Variants in HERC1 observed in about 807,000 individuals in gnomAD.
The protein encoded by HERC1 is HECT and RLD domain containing E3 ubiquitin protein ligase family member 1.
Under a neutral mutation model 554.3 loss-of-function variants are expected in HERC1, and 160 were observed. The ratio of observed to expected loss-of-function variants is 0.29; its 90% CI spans 0.25 to 0.33. The LOEUF is 0.33. Ranked by LOEUF, HERC1 falls within the 10% of genes least tolerant of loss-of-function variation. The pLI, the probability that HERC1 is intolerant of heterozygous loss-of-function variation, is 1.00. For synonymous variants in HERC1, 2,175 were observed against 2,131.7 expected, an observed-to-expected ratio of 1.02 and a Z score of -0.56; for missense variants, 4,919 against 5,918.5, an observed-to-expected ratio of 0.83 and a Z score of 5.54.
chr15:63,776,037 C>CAAAA (rs34323931), intron 1 of HERC1, among the ~76,000 whole-genome samples: 1 of 131,142 alleles, frequency 7.6e-6, no homozygotes, highest in Non-Finnish European at 1.6e-5. Context: ...GACTCCGTCT[C>CAAAA]AAAAAAAAAA....
chr15:63,753,863 C>T (rs975003334), intron 7 of HERC1, among the ~76,000 whole-genome samples: 1 of 152,080 alleles, frequency 6.6e-6, no homozygotes, highest in Non-Finnish European at 1.5e-5. Flanking sequence ...GATGTAGAGT[C>T]ATGCTTGTTG....
chr15:63,813,313 C>CACGG (rs1169220703), intron 1 of HERC1, among the ~76,000 whole-genome samples: 1 of 11,592 alleles, frequency 8.6e-5, no homozygotes, highest in African/African-American at 2.3e-4. Flanking sequence ...CAGAGATGGA[C>CACGG]ACACACACAC....
At chr15:63,769,591 C>T (rs1022318414) in intron 2 of HERC1, among the ~76,000 whole-genome samples, 5 of 152,104 alleles carry the variant, frequency 3.3e-5, no homozygotes, top group African/African-American at 1.2e-4. Context: ...TGGTGGCTCA[C>T]GCCTGTAATC....
chr15:63,753,896 G>A lies in HERC1; in HGVS notation c.1774+609C>T, dbSNP rs554146012. On this transcript the variant is annotated intron_variant, in intron 7 of 77. Transcript: ENST00000443617. ...TTGATATAAAAAAGATACTCATGCC[G>A]GGCACGGAGGTTCATGCCTGTAATA... Among the ~76,000 whole-genome samples the A allele has an allele frequency of 5.9e-5, 9 of 152,198 alleles. No individual in the cohort carries two copies. In the East Asian group the frequency reaches 9.6e-4, roughly 16 times the overall value.
chr15:63,821,390 TA>T (rs1172965175), intron 1 of HERC1, among the ~76,000 whole-genome samples: 2 of 151,296 alleles, frequency 1.3e-5, no homozygotes, highest in African/African-American at 2.4e-5. Flanking sequence ...CCATCTCTAC[TA>T]AAAACACACA....
chr15:63,732,846 T>A (rs538179010), intron 14 of HERC1, 78 bp downstream of exon 14: 1 of 959,758 alleles, frequency 1.0e-6, no homozygotes, highest in South Asian at 1.4e-5. Flanking sequence ...ATCATAGGTG[T>A]TTAAATGTCA....
At chr15:63,665,746 GTCACTTT>G (rs2152947559) in intron 42 of HERC1, among the ~76,000 whole-genome samples, 166 bp downstream of exon 42, 1 of 152,196 alleles carries the variant, frequency 6.6e-6, no homozygotes, top group Admixed American at 6.5e-5. Context: ...AACTTGTCAT[GTCACTTT>G]TACCCTTCAC....
intron 51 of HERC1, among the ~76,000 whole-genome samples, chr15:63,653,338 G>A (rs781748576): frequency 3.0e-4 from 46 of 152,112 alleles, no homozygotes; most frequent in Non-Finnish European, 5.4e-4. Context: ...AGCTATGCGG[G>A]AGGCTGAGGC....
At position 63,634,742 on chromosome 15, in the gene HERC1, C is replaced by G. The variant is rs1225341672; in HGVS notation, c.12561G>C (p.Gln4187His). ...TTGATTTATTCCATGCCTGTCCAAT[C>G]TGATATCCCTCCAGTGCAGTCACTC... is the stretch of plus-strand genomic sequence containing the variant. ...PERVTALEGY[Q>H]IGQVACGLNH... The change falls in exon 66 of 78, where the codon CAG (glutamine) becomes CAC (histidine). Residue 4187 changes from glutamine (Q) to histidine (H), a missense_variant. Physicochemically the swap from Gln to His is conservative, Grantham distance 24. Around this residue, in one of 11 missense-constraint regions of HERC1, gnomAD observed 410 missense variants for 467.0 expected, o/e 0.88. Transcript: ENST00000443617. The G allele has an allele frequency of 6.2e-7, 1 of 1,612,234 alleles. No individual in the cohort carries two copies. Among genetic ancestry groups the G allele is most frequent in the Non-Finnish European group, 8.5e-7 (1 of 1,179,014 alleles).
chr15:63,748,857 C>T (rs1284408634), intron 10 of HERC1, among the ~76,000 whole-genome samples: 1 of 151,918 alleles, frequency 6.6e-6, no homozygotes, highest in Non-Finnish European at 1.5e-5. Context: ...GTGACTGAAA[C>T]TCATCTACCT....
rs1018688467 is a variant in HERC1 at position 63,651,259 on chromosome 15, C to T, written c.10540G>A (p.Val3514Ile). ...GTGTTTACATGACTCTTACCATTAA[C>T]TTGCCAGATATTCACCATCTTTTCC... Reference protein sequence around the residue: ...ALEKMVNIWQVNGGKGLVDIQ... With the variant: ...ALEKMVNIWQINGGKGLVDIQ... The change falls in exon 53 of 78, where the codon GTT becomes ATT. Residue 3514 changes from valine (V) to isoleucine (I), a missense_variant. Physicochemically the swap from Val to Ile is conservative, Grantham distance 29. This residue lies in a region of HERC1 where 1,963 missense variants were observed against 2,228.6 expected (regional missense o/e 0.88). Coordinates refer to ENST00000443617, the MANE Select transcript of HERC1 (RefSeq NM_003922.4). 5.0e-6 allele frequency: 8 copies of T among 1,613,794 alleles called. No homozygotes were observed. Among genetic ancestry groups the T allele is most frequent in the Non-Finnish European group, 5.9e-6 (7 of 1,179,808 alleles).
At chr15:63,629,217 T>C (rs921776977) in intron 69 of HERC1, among the ~76,000 whole-genome samples, 4 of 152,200 alleles carry the variant, frequency 2.6e-5, no homozygotes, top group African/African-American at 9.6e-5. Context: ...CCCAAAGTGC[T>C]GGGATTACAG....
Position 63,641,662 on chromosome 15 carries a change from T to C in HERC1, c.11434-19A>G, listed in dbSNP as rs1228377945. 2 of 1,506,518 alleles carry C rather than the reference T, an allele frequency of 1.3e-6. No homozygotes were observed. Among genetic ancestry groups the C allele is most frequent in the East Asian group, 2.5e-5 (1 of 39,976 alleles). The allele number at this position is 1,506,518 out of a possible 1,614,324, so 93.3% of individuals were successfully genotyped here. A position where few individuals can be genotyped will look rare whatever the true frequency, so the allele number is the denominator to read the frequency against. On this transcript the variant is annotated intron_variant, in intron 59 of 77. Transcript: ENST00000443617. ...AAACATCCTGGTTGAAAATAAATCATGCCACATAATAAATTTGTTTAAATA... is the reference window on the plus strand; with the variant it reads ...AAACATCCTGGTTGAAAATAAATCACGCCACATAATAAATTTGTTTAAATA...
chr15:63,758,002 C>A lies in HERC1; in HGVS notation c.1221+173G>T, dbSNP rs1320342866. On this transcript the variant is annotated intron_variant, in intron 4 of 77. Transcript: ENST00000443617. The surrounding 1 kb of genome is among the most constrained non-coding windows in gnomAD (Gnocchi z 4.0). ...GGATTACAGGCGTGAGCCACTGCGC[C>A]CAGCAAAAATTTATTTTTCTATTAA... 6.6e-6 allele frequency among the ~76,000 whole-genome samples: 1 copy of A among 152,016 alleles called. No individual in the cohort carries two copies. Among genetic ancestry groups the A allele is most frequent in the African/African-American group, 2.4e-5 (1 of 41,380 alleles).
rs756786870 is a variant in HERC1, at chr15:63,775,596, G to C, written c.28C>G (p.Leu10Val). The change falls in exon 2 of 78, where the codon CTG (leucine) becomes GTG (valine). Residue 10 changes from leucine to valine, a missense_variant. This residue lies in a region of HERC1 where 110 missense variants were observed against 99.3 expected (regional missense o/e 1.11). Transcript: ENST00000443617. The surrounding 1 kb of genome is among the most constrained non-coding windows in gnomAD (Gnocchi z 4.0). ...CTGTTCAAGTGTTCAAGCCATTTCA[G>C]CTTCACTGGTGGAATCATAGTTGCC... MATMIPPVK[L>V]KWLEHLNSSW... The C allele has an allele frequency of 6.2e-6, 10 of 1,604,484 alleles. No homozygotes were observed. Among genetic ancestry groups the C allele is most frequent in the Non-Finnish European group, 8.5e-6 (10 of 1,176,150 alleles).
At position 63,775,466 on chromosome 15, in the gene HERC1, T is replaced by G; in HGVS notation, c.158A>C (p.Gln53Pro). The change falls in exon 2 of 78, where the codon CAA becomes CCA. Residue 53 changes from glutamine to proline, a missense_variant. By Grantham distance (76) the Gln-to-Pro change is moderately conservative. Coordinates refer to ENST00000443617, the MANE Select transcript of HERC1 (RefSeq NM_003922.4). The surrounding 1 kb of genome is among the most constrained non-coding windows in gnomAD (Gnocchi z 4.0). Reference protein sequence around the residue: ...SNKEVVPLPQQVLCLKGPQLP... With the variant: ...SNKEVVPLPQPVLCLKGPQLP... ...CTGTGGTCCTTTGAGGCATAAAACT[T>G]GTTGGGGCAAAGGTACTACTTCCTT... The G allele has an allele frequency of 6.2e-7, 1 of 1,614,024 alleles. No homozygotes were observed. Among genetic ancestry groups the G allele is most frequent in the Non-Finnish European group, 8.5e-7 (1 of 1,179,884 alleles).
At chr15:63,764,639 C>T (rs1239145463) in intron 2 of HERC1, among the ~76,000 whole-genome samples, 3 of 152,142 alleles carry the variant, frequency 2.0e-5, no homozygotes, top group African/African-American at 7.2e-5. Context: ...AAGTCTGTCC[C>T]TCCCTTCTTA....
In HERC1 at chr15:63,692,601, G is replaced by C; in HGVS notation, c.5675-35C>G. On this transcript the variant is annotated intron_variant, in intron 30 of 77. Coordinates refer to ENST00000443617, the MANE Select transcript of HERC1 (RefSeq NM_003922.4). The surrounding 1 kb of genome is among the most constrained non-coding windows in gnomAD (Gnocchi z 4.7). ...AGAGACAAGTTTACGTTACAACCAA[G>C]AGCCAACAAGAAATAGTCTTATATC... 6.5e-7 allele frequency: 1 copy of C among 1,542,210 alleles called. No individual in the cohort carries two copies. Among genetic ancestry groups the C allele is most frequent in the South Asian group, 1.3e-5 (1 of 79,890 alleles).
chr15:63,774,970 G>C lies in HERC1; in HGVS notation c.654C>G (p.Gly218=). The stretch of plus-strand genomic sequence containing the variant: ...TTGTTACTTGCGATAAGCAGTCCAA[G>C]CCCATAGGAGGAATCTTGCTTTCAT... The part of the protein sequence containing the change: ...LANESKIPPM[G]LDCLSQVTTF... Residue 218 remains glycine, a synonymous_variant, in exon 2 of 78, where the codon GGC becomes GGG. Coordinates refer to ENST00000443617, the MANE Select transcript of HERC1 (RefSeq NM_003922.4). 1 of 1,614,020 alleles carries C rather than the reference G, an allele frequency of 6.2e-7. No homozygotes were observed. The highest frequency in any genetic ancestry group is 8.5e-7 in the Non-Finnish European group (1 of 1,179,884).
Sources: allele counts gnomAD v4.1 joint callset (sites outside exome capture counted in the v4.1 genomes callset), GRCh38; gene constraint gnomAD v4.1.1; regional missense constraint gnomAD v4.1.1; non-coding constraint Gnocchi (gnomAD v3.1); transcripts MANE v1.5; gene names NCBI Gene and HGNC (gene_info 2026-07-23, HGNC 2026-07-21).